Variants in EPHA6 observed in about 807,000 individuals in gnomAD.
The protein encoded by EPHA6 is ephrin type-A receptor 6.
Under a neutral mutation model 112.0 loss-of-function variants are expected in EPHA6, and 50 were observed. The observed-to-expected ratio is 0.45, with a 90% CI of 0.36 to 0.56. EPHA6 has a LOEUF of 0.56. Among genes scored for constraint, EPHA6 ranks in the 20% least tolerant of loss-of-function variants. The probability of loss-of-function intolerance (pLI) is 0.00; values close to 1 mark genes in which losing one functional copy is unlikely to be tolerated. For synonymous variants in EPHA6, 529 were observed against 490.7 expected (o/e 1.08, Z -1.03); for missense variants, 1,280 against 1,417.4 (o/e 0.90, Z 1.56).
intron 14 of EPHA6, among the ~76,000 whole-genome samples, chr3:97,679,651 T>G (rs2031697950): frequency 6.6e-6 from 1 of 152,160 alleles, no homozygotes; most frequent in Admixed American, 6.5e-5. Context: ...ATATTTTGGG[T>G]TTTGCCTTCA....
intron 10 of EPHA6, among the ~76,000 whole-genome samples, chr3:97,484,648 C>G (rs6439203): frequency 0.26 from 40,296 of 152,138 alleles, 9,719 homozygotes; most frequent in African/African-American, 0.63. Context: ...ATGTAACAAA[C>G]AGACTCCAGA....
chr3:97,339,308 C>A (rs771928869), intron 5 of EPHA6, among the ~76,000 whole-genome samples: 1 of 152,188 alleles, frequency 6.6e-6, no homozygotes, highest in East Asian at 1.9e-4. Flanking sequence ...TGAACCTATA[C>A]AAAATCCAGC....
chr3:97,300,097 A>G (rs567822058), intron 5 of EPHA6, among the ~76,000 whole-genome samples: 1 of 152,358 alleles, frequency 6.6e-6, no homozygotes, highest in South Asian at 2.1e-4. Context: ...ACAAGTGTTC[A>G]TAACTTTCAA....
chr3:96,968,489 C>G (rs1411176108), intron 2 of EPHA6, among the ~76,000 whole-genome samples: 1 of 151,516 alleles, frequency 6.6e-6, no homozygotes, highest in Non-Finnish European at 1.5e-5. Context: ...ATTTCTGTCT[C>G]TTAAGAATAT....
chr3:97,483,846 G>A (rs2091625588), intron 9 of EPHA6, 88 bp from the exon 10 acceptor site: 1 of 1,300,260 alleles, frequency 7.7e-7, no homozygotes, highest in Admixed American at 2.8e-5. Context: ...GACTACTTCA[G>A]TATGTCATTT....
In EPHA6 at chr3:97,261,219, G is replaced by A. The variant is rs551183349; in HGVS notation, c.1606+16932G>A. Among the ~76,000 whole-genome samples, 4 of 152,220 alleles carry A rather than the reference G, an allele frequency of 2.6e-5. No individual in the cohort carries two copies. In the East Asian group the frequency reaches 7.7e-4, roughly 29 times the overall value. On this transcript the variant is annotated intron_variant, in intron 5 of 17. Transcript: ENST00000389672. ...TATATGGCTAGTTGGATGAATCCAGGTATATGAAAAAGGACTTCCCTCTAA... is the reference window on the plus strand; with the variant it reads ...TATATGGCTAGTTGGATGAATCCAGATATATGAAAAAGGACTTCCCTCTAA...
chr3:97,334,462 TTTCTTTTTTTTTC>T (rs912353453), intron 5 of EPHA6, among the ~76,000 whole-genome samples: 2 of 149,584 alleles, frequency 1.3e-5, no homozygotes, highest in African/African-American at 5.0e-5. Flanking sequence ...TTTTCTTTTC[TTTCTTTTTTTTTC>T]TTCTTTTTTT....
At chr3:97,672,414 C>T (rs570325271) in intron 14 of EPHA6, among the ~76,000 whole-genome samples, 1 of 152,046 alleles carries the variant, frequency 6.6e-6, no homozygotes, top group East Asian at 1.9e-4. Flanking sequence ...GTTTTGTTGG[C>T]TTTTAAGACC....
intron 5 of EPHA6, among the ~76,000 whole-genome samples, chr3:97,327,985 ATATG>A (rs2082542806): frequency 2.1e-5 from 3 of 141,030 alleles, no homozygotes. Context: ...ATGTGCATAT[ATATG>A]TATATGTGTA....
At chr3:97,512,823 C>T (rs1560087287) in intron 10 of EPHA6, among the ~76,000 whole-genome samples, 1 of 152,280 alleles carries the variant, frequency 6.6e-6, no homozygotes, top group East Asian at 1.9e-4. Flanking sequence ...CCTCGGCCTC[C>T]GAAAGTGCTG....
chr3:96,920,856 A>G (rs2039721639), intron 2 of EPHA6, among the ~76,000 whole-genome samples: 1 of 152,084 alleles, frequency 6.6e-6, no homozygotes, highest in African/African-American at 2.4e-5. Flanking sequence ...TAGAATAGAA[A>G]TAATTTGTTC....
intron 2 of EPHA6, among the ~76,000 whole-genome samples, chr3:96,968,308 G>A (rs1415195601): frequency 4.0e-5 from 6 of 151,434 alleles, no homozygotes. Flanking sequence ...TAGGAAATGT[G>A]TATTGCTTTG....
intron 2 of EPHA6, among the ~76,000 whole-genome samples, chr3:96,948,128 T>C (rs1297496370): frequency 6.6e-6 from 1 of 152,238 alleles, no homozygotes; most frequent in African/African-American, 2.4e-5. Flanking sequence ...TTTAAATAAG[T>C]ATGAAGGCAA....
At chr3:97,210,897 C>G (rs75232856) in intron 3 of EPHA6, among the ~76,000 whole-genome samples, 1,730 of 152,254 alleles carry the variant, frequency 0.011, 25 homozygotes, top group African/African-American at 0.039. Context: ...CCTCACTTGT[C>G]CGGCAAATTG....
chr3:97,240,652 C>T (rs1423838188), intron 4 of EPHA6, among the ~76,000 whole-genome samples: 3 of 151,674 alleles, frequency 2.0e-5, no homozygotes, highest in Non-Finnish European at 4.4e-5. Context: ...CTGGTTGATG[C>T]GACAACTGAA....
In EPHA6 at chr3:97,041,823, G is replaced by T. The variant is rs917019950; in HGVS notation, c.1114+53830G>T. Among the ~76,000 whole-genome samples the T allele has an allele frequency of 2.6e-5, 4 of 151,910 alleles. No individual in the cohort carries two copies. The South Asian group carries it at 8.3e-4, about 31-fold the overall frequency. On this transcript the variant is annotated intron_variant, in intron 3 of 17. Coordinates refer to ENST00000389672, the MANE Select transcript of EPHA6 (RefSeq NM_001080448.3). Reference sequence around the variant, plus strand: ...GAGGGCTACACACTTTTAAACAACCGGATCTCCTGAGAACTCACTCACTAT... The same window carrying T: ...GAGGGCTACACACTTTTAAACAACCTGATCTCCTGAGAACTCACTCACTAT...
Position 97,157,865 on chromosome 3 carries a change from C to G in EPHA6, c.1115-68399C>G, listed in dbSNP as rs114280578. On this transcript the variant is annotated intron_variant, in intron 3 of 17. Coordinates refer to ENST00000389672, the MANE Select transcript of EPHA6 (RefSeq NM_001080448.3). ...TCAGTCTACTGATTCAAATGTTTAT[C>G]TCATCGAGAAACACGTTCACAAACA... Among the ~76,000 whole-genome samples the G allele has an allele frequency of 4.2e-3, 643 of 152,230 alleles. 2 individuals carry two copies. Among genetic ancestry groups the G allele is most frequent in the African/African-American group, 0.015 (604 of 41,554 alleles).
intron 14 of EPHA6, among the ~76,000 whole-genome samples, chr3:97,703,517 G>T (rs1385385766): frequency 6.6e-6 from 1 of 152,038 alleles, no homozygotes; most frequent in Non-Finnish European, 1.5e-5. Context: ...ATGACAAACA[G>T]AACTGAATAA....
intron 3 of EPHA6, among the ~76,000 whole-genome samples, chr3:97,127,306 T>G (rs1359980352): frequency 2.0e-5 from 3 of 152,170 alleles, no homozygotes; most frequent in African/African-American, 7.2e-5. Flanking sequence ...AGGATGTTCC[T>G]TTCCTCCAGG....
Sources: gnomAD v4.1 joint callset for allele counts (sites outside exome capture counted in the v4.1 genomes callset) on GRCh38, gnomAD v4.1.1 for gene constraint, MANE v1.5 for transcripts, NCBI Gene and HGNC (gene_info 2026-07-23, HGNC 2026-07-21) for gene names.